RBPMS2: variants seen among roughly 807,000 people sequenced by gnomAD.
The protein encoded by RBPMS2 is RNA-binding protein with multiple splicing 2.
In RBPMS2, 14 loss-of-function variants were observed where a neutral mutation model predicts 25.7. The ratio of observed to expected loss-of-function variants is 0.55; its 90% CI spans 0.36 to 0.85. The LOEUF (loss-of-function observed/expected upper bound fraction) is 0.85, where lower values mean the gene tolerates loss of function less well. RBPMS2 is among the 40% of genes least tolerant of loss of function. RBPMS2 has a pLI of 0.01. For missense variants in RBPMS2, 252 were observed against 283.4 expected (o/e 0.89, Z 0.80); for synonymous variants, 127 against 115.6 (o/e 1.10, Z -0.63).
rs372776314 is a variant in RBPMS2, at chr15:64,750,565, G to T, written c.166-184C>A. On this transcript the variant is annotated intron_variant, in intron 2 of 7. Coordinates refer to ENST00000300069, the MANE Select transcript of RBPMS2 (RefSeq NM_194272.3). The stretch of plus-strand genomic sequence containing the variant: ...CACCGCCCTGCGTTCTGAATCACGC[G>T]GTCTAGCACATAGGGTGGGCATCAC... Among the ~76,000 whole-genome samples, 32 of 152,164 alleles carry T rather than the reference G, an allele frequency of 2.1e-4. 1 individual carries two copies. Among genetic ancestry groups the T allele is most frequent in the Non-Finnish European group, 4.0e-4 (27 of 68,026 alleles).
At position 64,741,319 on chromosome 15, in the gene RBPMS2, G is replaced by C. The variant is rs137999552; in HGVS notation, c.568-77C>G. ...GGAAGCCAGGTAACCATGGCCATCG[G>C]TGTCCCCGCTGGAGTCCTGGTTCTG... On this transcript the variant is annotated intron_variant, in intron 6 of 7. Coordinates refer to ENST00000300069, the MANE Select transcript of RBPMS2 (RefSeq NM_194272.3). 9.4e-4 allele frequency: 1,101 copies of C among 1,177,008 alleles called. 4 individuals carry two copies. The African/African-American group carries it at 0.013, about 14-fold the overall frequency. The allele number at this position is 1,177,008 out of a possible 1,614,324, so 72.9% of individuals were successfully genotyped here. A position where few individuals can be genotyped will look rare whatever the true frequency, so the allele number is the denominator to read the frequency against.
chr15:64,755,224 C>G (rs908101673), intron 1 of RBPMS2, among the ~76,000 whole-genome samples: 1 of 152,178 alleles, frequency 6.6e-6, no homozygotes, highest in Admixed American at 6.5e-5. Flanking sequence ...GACCCTTTTC[C>G]TCAGGGTTCC....
At chr15:64,753,556 T>C (rs760625788) in intron 1 of RBPMS2, among the ~76,000 whole-genome samples, 4 of 152,200 alleles carry the variant, frequency 2.6e-5, no homozygotes, top group African/African-American at 9.6e-5. Context: ...CACGCAAGAA[T>C]GACTCTCAGC....
intron 1 of RBPMS2, among the ~76,000 whole-genome samples, chr15:64,774,540 C>T (rs2083914122): frequency 6.6e-6 from 1 of 152,130 alleles, no homozygotes; most frequent in South Asian, 2.1e-4. Flanking sequence ...CTGGCAGGAT[C>T]CCACCCAGGC....
Position 64,775,249 on chromosome 15 carries a change from C to CCGCCGGAGCCCG in RBPMS2, c.59_70dup (p.Ala20_Gly23dup), listed in dbSNP as rs771230477. On this transcript the variant is annotated inframe_insertion, in exon 1 of 8. Coordinates refer to ENST00000300069, the MANE Select transcript of RBPMS2 (RefSeq NM_194272.3). The stretch of plus-strand genomic sequence containing the variant: ...CAGACCCACCTCCTCCTCCAGGGCG[C>CCGCCGGAGCCCG]CGCCGGAGCCCGCGCCGGAGCCGGT... 8 of 1,321,142 alleles carry CCGCCGGAGCCCG rather than the reference C, an allele frequency of 6.1e-6. No individual in the cohort carries two copies. The highest frequency in any genetic ancestry group is 6.6e-5 in the East Asian group (2 of 30,302). The allele number at this position is 1,321,142 out of a possible 1,614,324, so 81.8% of individuals were successfully genotyped here. A position where few individuals can be genotyped will look rare whatever the true frequency, so the allele number is the denominator to read the frequency against.
chr15:64,768,944 C>CA (rs1463092704), intron 1 of RBPMS2, among the ~76,000 whole-genome samples: 2 of 149,606 alleles, frequency 1.3e-5, no homozygotes, highest in African/African-American at 4.9e-5. Flanking sequence ...ACTAAAAATA[C>CA]AAAAAAATTA....
chr15:64,761,132 A>G (rs901848343), intron 1 of RBPMS2: 14 of 152,082 alleles, frequency 9.2e-5, no homozygotes, highest in Non-Finnish European at 1.3e-4. Context: ...TCCACTCACA[A>G]TGTTCAAGTA....
intron 6 of RBPMS2, among the ~76,000 whole-genome samples, chr15:64,747,454 G>A (rs983372323): frequency 6.6e-6 from 1 of 152,016 alleles, no homozygotes; most frequent in South Asian, 2.1e-4. Context: ...TCTCTCCTTC[G>A]CAGCAGCACA....
chr15:64,744,592 C>T (rs1270363092), intron 6 of RBPMS2, among the ~76,000 whole-genome samples: 2 of 40,124 alleles, frequency 5.0e-5, no homozygotes, highest in Non-Finnish European at 1.6e-4. Context: ...GAAAACAAAA[C>T]AGAAGAGGTG....
In RBPMS2 at chr15:64,751,738, T is replaced by A. The variant is rs576428789; in HGVS notation, c.88-100A>T. On this transcript the variant is annotated intron_variant, in intron 1 of 7. Transcript: ENST00000300069. ...AGGCAACTGGAATCCTTCTAGAGCT[T>A]AGAGGAATTCAGCCTTTCCTGGGCC... 112 of 952,176 alleles carry A rather than the reference T, an allele frequency of 1.2e-4. 1 individual carries two copies. Among genetic ancestry groups the A allele is most frequent in the South Asian group, 1.0e-3 (73 of 71,186 alleles). The allele number at this position is 952,176 out of a possible 1,614,324, so 59.0% of individuals were successfully genotyped here.
intron 1 of RBPMS2, among the ~76,000 whole-genome samples, chr15:64,752,974 T>C (rs537466456): frequency 8.3e-4 from 126 of 152,262 alleles, no homozygotes; most frequent in African/African-American, 2.9e-3. Flanking sequence ...ACACTAGGTG[T>C]CCATCCTGTG....
intron 5 of RBPMS2, among the ~76,000 whole-genome samples, 197 bp downstream of exon 5, chr15:64,748,803 T>C (rs1390752651): frequency 4.6e-5 from 7 of 151,876 alleles, no homozygotes; most frequent in African/African-American, 1.5e-4. Context: ...TTAAAGAAGG[T>C]TGCAGGGAAG....
chr15:64,760,755 T>C (rs1305951650), intron 1 of RBPMS2, among the ~76,000 whole-genome samples: 2 of 150,982 alleles, frequency 1.3e-5, no homozygotes, highest in African/African-American at 4.9e-5. Flanking sequence ...TGAGCCGAGA[T>C]CACGTCATTG....
chr15:64,762,364 G>GA (rs397965306), intron 1 of RBPMS2: 1 of 381,542 alleles, frequency 2.6e-6, no homozygotes, highest in South Asian at 1.5e-5. Context: ...GGGGATGGGT[G>GA]CTGGAGCAGG....
At chr15:64,760,378 G>T (rs2083772782) in intron 1 of RBPMS2, among the ~76,000 whole-genome samples, 1 of 152,224 alleles carries the variant, frequency 6.6e-6, no homozygotes, top group Non-Finnish European at 1.5e-5. Context: ...CAGATACTGT[G>T]ACCATGAGGA....
At position 64,775,387 on chromosome 15, in the gene RBPMS2, G is replaced by T; in HGVS notation, c.-68C>A. On this transcript the variant is annotated 5_prime_UTR_variant, in exon 1 of 8. Coordinates refer to ENST00000300069, the MANE Select transcript of RBPMS2 (RefSeq NM_194272.3). Reference sequence around the variant, plus strand: ...GCGGCGCCGGCCCCGCGGGAAGTGGGAAGGGGCGCGGGGAGCGGTGCGCTC... The same window carrying T: ...GCGGCGCCGGCCCCGCGGGAAGTGGTAAGGGGCGCGGGGAGCGGTGCGCTC... 1 of 944,688 alleles carries T rather than the reference G, an allele frequency of 1.1e-6. No homozygotes were observed. The highest frequency in any genetic ancestry group is 1.4e-6 in the Non-Finnish European group (1 of 730,332). 58.5% of individuals were successfully genotyped at this position (944,688 alleles called of 1,614,324 possible). A position where few individuals can be genotyped will look rare whatever the true frequency, so the allele number is the denominator to read the frequency against.
intron 1 of RBPMS2, among the ~76,000 whole-genome samples, chr15:64,763,434 T>C (rs2083811311): frequency 6.6e-6 from 1 of 152,166 alleles, no homozygotes; most frequent in South Asian, 2.1e-4. Flanking sequence ...CCCCAGAGTT[T>C]ACCAGTGTCA....
At chr15:64,773,343 C>G (rs1292300669) in intron 1 of RBPMS2, among the ~76,000 whole-genome samples, 1 of 152,212 alleles carries the variant, frequency 6.6e-6, no homozygotes, top group East Asian at 1.9e-4. Context: ...CTTTCCCTTA[C>G]CAGACCAGAC....
At chr15:64,765,122 G>A (rs545237363) in intron 1 of RBPMS2, among the ~76,000 whole-genome samples, 4 of 148,500 alleles carry the variant, frequency 2.7e-5, no homozygotes, top group South Asian at 2.1e-4. Flanking sequence ...AGCTACTCAG[G>A]AGGCTGAGGC....
Sources: gnomAD v4.1 joint callset for allele counts (sites outside exome capture counted in the v4.1 genomes callset) on GRCh38, gnomAD v4.1.1 for gene constraint, MANE v1.5 for transcripts, NCBI Gene and HGNC (gene_info 2026-07-23, HGNC 2026-07-21) for gene names.